The following PUDP variants were observed in gnomAD, a reference collection of about 807,000 sequenced individuals.
PUDP encodes the protein pseudouridine 5'-phosphatase.
In PUDP, 8 loss-of-function variants were observed where a neutral mutation model predicts 9.4. The observed-to-expected ratio is 0.85, with a 90% CI of 0.50 to 1.53. PUDP has a LOEUF of 1.53. Among genes scored for constraint, PUDP ranks in the 40% most tolerant of loss-of-function variants. The probability of loss-of-function intolerance (pLI) is 0.00; values close to 1 mark genes in which losing one functional copy is unlikely to be tolerated. For missense variants in PUDP, 188 were observed against 189.7 expected (o/e 0.99, Z 0.05); for synonymous variants, 99 against 80.7 (o/e 1.23, Z -1.22).
Position 6,751,507 on chromosome X carries a change from G to A in PUDP, c.*248-45041C>T, listed in dbSNP as rs542545062. On this transcript the variant is annotated intron_variant and NMD_transcript_variant, in intron 3 of 3. Coordinates refer to the PUDP transcript ENST00000655425. ...GTAAACACCCTGTTCATCAGTACTT[G>A]AGCAATGAAAAATACCAGATATTTC... is the stretch of plus-strand genomic sequence containing the variant. Among the ~76,000 whole-genome samples, 3 of 111,680 alleles carry A rather than the reference G, an allele frequency of 2.7e-5. 1 individual carries two copies. In the Admixed American group the frequency reaches 2.8e-4, roughly 11 times the overall value.
At chrX:6,793,599 T>C (rs1925788974) in intron 3 of PUDP, among the ~76,000 whole-genome samples, 2 of 112,006 alleles carry the variant, frequency 1.8e-5, no homozygotes, top group Admixed American at 9.5e-5. Flanking sequence ...CAAGCAAAGC[T>C]GAGCAATACA....
intron 3 of PUDP, among the ~76,000 whole-genome samples, chrX:6,787,833 A>G (rs759233880): frequency 3.6e-5 from 4 of 112,656 alleles, no homozygotes; most frequent in Non-Finnish European, 5.6e-5. Context: ...CTTTGTAGTC[A>G]CTGCCAAAAG....
At chrX:7,027,750 T>C (rs1337357296) in intron 1 of PUDP, among the ~76,000 whole-genome samples, 2 of 98,876 alleles carry the variant, frequency 2.0e-5, no homozygotes, top group East Asian at 6.2e-4. Context: ...ATATAGACTA[T>C]ATATATAGAA....
At chrX:6,963,944 C>A (rs140565659) in intron 3 of PUDP, among the ~76,000 whole-genome samples, 1 of 112,009 alleles carries the variant, frequency 8.9e-6, no homozygotes, top group Non-Finnish European at 1.9e-5. Flanking sequence ...TGAGTGTTTG[C>A]CAGGTTTTTC....
At chrX:6,743,514 T>C (rs1924964313) in intron 3 of PUDP, among the ~76,000 whole-genome samples, 1 of 112,441 alleles carries the variant, frequency 8.9e-6, no homozygotes, top group Non-Finnish European at 1.9e-5. Context: ...ATGCTTTCCA[T>C]TGCTTTTGTG....
At chrX:7,052,192 C>T (rs773596283) in intron 3 of PUDP, among the ~76,000 whole-genome samples, 2 of 110,321 alleles carry the variant, frequency 1.8e-5, no homozygotes, top group Non-Finnish European at 1.9e-5. Context: ...ATCACCAAGC[C>T]GGCTAATTTT....
intron 1 of PUDP, among the ~76,000 whole-genome samples, chrX:7,001,713 T>C (rs904882364): frequency 9.0e-6 from 1 of 111,178 alleles, no homozygotes; most frequent in Admixed American, 9.6e-5. Context: ...TTCTGATGTG[T>C]GGGAAAATAC....
intron 1 of PUDP, among the ~76,000 whole-genome samples, chrX:7,128,149 C>T (rs1832164908): frequency 9.0e-6 from 1 of 111,085 alleles, no homozygotes; most frequent in Admixed American, 9.6e-5. Flanking sequence ...TCAAGCGATT[C>T]TCATGCCTCA....
At chrX:6,991,205 C>A (rs1929171857) in intron 1 of PUDP, among the ~76,000 whole-genome samples, 1 of 111,742 alleles carries the variant, frequency 8.9e-6, no homozygotes, top group Non-Finnish European at 1.9e-5. Context: ...CTCCAGCGGA[C>A]CATTCAAATA....
At chrX:7,138,912 TAC>T (rs1228672142) in intron 1 of PUDP, among the ~76,000 whole-genome samples, 5 of 111,303 alleles carry the variant, frequency 4.5e-5, no homozygotes, top group Non-Finnish European at 7.5e-5. Context: ...TCTTTTTTAA[TAC>T]AGTCTTTGCT....
chrX:6,914,334 T>G (rs1927896532), intron 3 of PUDP, among the ~76,000 whole-genome samples: 1 of 111,454 alleles, frequency 9.0e-6, no homozygotes, highest in East Asian at 2.8e-4. Context: ...TCTGCTTTGG[T>G]GATTAATTTC....
intron 3 of PUDP, among the ~76,000 whole-genome samples, chrX:6,948,453 A>C (rs1445854386): frequency 2.7e-5 from 3 of 111,328 alleles, no homozygotes; most frequent in Non-Finnish European, 3.8e-5. Flanking sequence ...CTGATATTTC[A>C]TGTTTCTTAT....
Position 6,866,231 on chromosome X carries a change from T to G in PUDP, c.*247+110902A>C, listed in dbSNP as rs757803152. ...GAGCCACCATACCCAGCTGAAAGTTTTTTTTTTTTTAATTTAAAATTTATG... is the reference window on the plus strand; with the variant it reads ...GAGCCACCATACCCAGCTGAAAGTTGTTTTTTTTTTAATTTAAAATTTATG... On this transcript the variant is annotated intron_variant and NMD_transcript_variant, in intron 3 of 3. Coordinates refer to the PUDP transcript ENST00000655425. 1.9e-3 allele frequency among the ~76,000 whole-genome samples: 203 copies of G among 108,429 alleles called. 2 individuals carry two copies. Among genetic ancestry groups the G allele is most frequent in the Admixed American group, 2.6e-3 (26 of 9,879 alleles). 94.2% of individuals were successfully genotyped at this position (108,429 alleles called of 115,157 possible).
At chrX:6,739,445 G>T (rs1924910812) in intron 3 of PUDP, among the ~76,000 whole-genome samples, 1 of 111,237 alleles carries the variant, frequency 9.0e-6, no homozygotes, top group South Asian at 3.9e-4. Context: ...GAGTAACATT[G>T]CTCCTCTCCA....
chrX:7,075,218 A>C (rs1387164752), intron 3 of PUDP, among the ~76,000 whole-genome samples: 1 of 112,268 alleles, frequency 8.9e-6, no homozygotes, highest in Admixed American at 9.4e-5. Flanking sequence ...TGCGATTAGA[A>C]GATTAGGTCT....
chrX:6,916,403 C>T (rs1472111959), intron 3 of PUDP, among the ~76,000 whole-genome samples: 1 of 82,490 alleles, frequency 1.2e-5, no homozygotes, highest in African/African-American at 4.3e-5. Context: ...TCTTTTCTTG[C>T]ATCCCCAGTT....
intron 3 of PUDP, among the ~76,000 whole-genome samples, chrX:6,918,295 A>T (rs763285635): frequency 1.2e-4 from 14 of 112,180 alleles, no homozygotes; most frequent in Admixed American, 4.7e-4. Context: ...AAAGGAAGTC[A>T]TTAAGCCTCG....
At position 7,087,909 on chromosome X, in the gene PUDP, C is replaced by T. The variant is rs188211648; in HGVS notation, c.281-10460G>A. ...TTCTCCGGGGTCACTGAAATGTGATCGGCCTAAACTCCTCCAGCCAAAGAA... is the reference window on the plus strand; with the variant it reads ...TTCTCCGGGGTCACTGAAATGTGATTGGCCTAAACTCCTCCAGCCAAAGAA... On this transcript the variant is annotated intron_variant, in intron 2 of 3. Coordinates refer to ENST00000381077, the MANE Select transcript of PUDP (RefSeq NM_012080.5). 5.0e-4 allele frequency among the ~76,000 whole-genome samples: 56 copies of T among 111,260 alleles called. 2 individuals are homozygous for T. The Admixed American group carries it at 5.2e-3, about 10-fold the overall frequency.
intron 3 of PUDP, among the ~76,000 whole-genome samples, chrX:6,902,614 G>A: frequency 8.9e-6 from 1 of 112,092 alleles, no homozygotes; most frequent in Non-Finnish European, 1.9e-5. Context: ...AGAGGCACTG[G>A]GCGTAAATGG....
Sources: allele counts gnomAD v4.1 joint callset (sites outside exome capture counted in the v4.1 genomes callset), GRCh38; gene constraint gnomAD v4.1.1; transcripts MANE v1.5; gene names NCBI Gene and HGNC (gene_info 2026-07-23, HGNC 2026-07-21).